The following TXLNB variants were observed in gnomAD, a reference collection of about 807,000 sequenced individuals.
TXLNB encodes the protein beta-taxilin.
In TXLNB, 37 loss-of-function variants were observed where a neutral mutation model predicts 57.4. The observed-to-expected ratio is 0.64, with a 90% CI of 0.50 to 0.85. TXLNB has a LOEUF of 0.85. Ranked by LOEUF, TXLNB falls within the 40% of genes least tolerant of loss-of-function variation. The pLI, the probability that TXLNB is intolerant of heterozygous loss-of-function variation, is 0.00. For missense variants in TXLNB, 848 were observed against 825.6 expected, an observed-to-expected ratio of 1.03 and a Z score of -0.33; for synonymous variants, 302 against 309.6, an observed-to-expected ratio of 0.98 and a Z score of 0.26.
the TXLNB span, among the ~76,000 whole-genome samples, chr6:139,310,538 CTA>C: frequency 3.3e-5 from 5 of 152,222 alleles, no homozygotes; most frequent in African/African-American, 9.7e-5. Context: ...GATAGCCACT[CTA>C]TCTCTCTGTC....
rs563366740 is a variant in TXLNB at position 139,290,256 on chromosome 6, G to A, written c.-14-1343C>T. On this transcript the variant is annotated intron_variant, in intron 1 of 9. Coordinates refer to ENST00000358430, the MANE Select transcript of TXLNB (RefSeq NM_153235.4). ...TTAGCCAGGTGTGGTGGCGGGCACC[G>A]GTAGTCCCAGCTACTTGGGAGGCTG... Among the ~76,000 whole-genome samples, 37 of 152,088 alleles carry A rather than the reference G, an allele frequency of 2.4e-4. 1 individual carries two copies. The East Asian group carries it at 6.8e-3, about 28-fold the overall frequency.
chr6:139,193,822 TTA>T, the TXLNB span, among the ~76,000 whole-genome samples: 241 of 92,620 alleles, frequency 2.6e-3, 6 homozygotes, highest in East Asian at 7.3e-3. Context: ...CCTGGCTAAT[TTA>T]TATATATATA....
intron 7 of TXLNB, among the ~76,000 whole-genome samples, chr6:139,255,135 A>G (rs757187891): frequency 2.0e-5 from 3 of 152,110 alleles, no homozygotes; most frequent in Non-Finnish European, 4.4e-5. Flanking sequence ...TTTTCTTTTT[A>G]TGATAAATAA....
At chr6:139,281,268 AT>A (rs1777040838) in intron 2 of TXLNB, among the ~76,000 whole-genome samples, 1 of 152,144 alleles carries the variant, frequency 6.6e-6, no homozygotes, top group South Asian at 2.1e-4. Flanking sequence ...TGGATGGCAT[AT>A]TTGTTATCTT....
the TXLNB span, among the ~76,000 whole-genome samples, chr6:139,310,994 C>T: frequency 6.6e-6 from 1 of 152,192 alleles, no homozygotes; most frequent in Admixed American, 6.5e-5. Context: ...CGTGCCCAGC[C>T]CATTCTGTTT....
chr6:139,263,708 A>G (rs1776544384), intron 4 of TXLNB, among the ~76,000 whole-genome samples: 1 of 152,072 alleles, frequency 6.6e-6, no homozygotes, highest in Admixed American at 6.5e-5. Context: ...AAAGGGTTTA[A>G]TTTTGCTACA....
At chr6:139,211,481 C>T in the TXLNB span, among the ~76,000 whole-genome samples, 1 of 152,066 alleles carries the variant, frequency 6.6e-6, no homozygotes, top group Admixed American at 6.5e-5. Flanking sequence ...CCCATCTGTA[C>T]GTCACCATCA....
chr6:139,310,274 C>G, the TXLNB span, among the ~76,000 whole-genome samples: 1 of 152,136 alleles, frequency 6.6e-6, no homozygotes, highest in African/African-American at 2.4e-5. Context: ...TCTTACAACT[C>G]AATAGCAGAA....
chr6:139,179,631 C>G, the TXLNB span: 3 of 152,164 alleles, frequency 2.0e-5, no homozygotes, highest in Admixed American at 1.3e-4. Context: ...GAGGGAAAAT[C>G]TGGCTGATTT....
the TXLNB span, among the ~76,000 whole-genome samples, chr6:139,305,564 A>G: frequency 6.6e-6 from 1 of 152,198 alleles, no homozygotes; most frequent in African/African-American, 2.4e-5. Context: ...AATCTTTTAC[A>G]ATGTTATCAG....
At chr6:139,230,601 G>A in the TXLNB span, among the ~76,000 whole-genome samples, 9 of 152,324 alleles carry the variant, frequency 5.9e-5, no homozygotes, top group African/African-American at 2.2e-4. Flanking sequence ...GCTGGTCTCT[G>A]TGAGGAATGG....
At chr6:139,226,034 C>G in the TXLNB span, among the ~76,000 whole-genome samples, 1 of 152,014 alleles carries the variant, frequency 6.6e-6, no homozygotes, top group Non-Finnish European at 1.5e-5. Flanking sequence ...TGCGGTGACT[C>G]ACACCTGTAA....
the TXLNB span, among the ~76,000 whole-genome samples, chr6:139,217,646 A>T: frequency 6.6e-6 from 1 of 152,082 alleles, no homozygotes; most frequent in Non-Finnish European, 1.5e-5. Context: ...AGGAGGGCAG[A>T]TCACGAGCTC....
chr6:139,294,658 A>G (rs927189222), upstream of TXLNB, among the ~76,000 whole-genome samples: 1 of 152,072 alleles, frequency 6.6e-6, no homozygotes, highest in Admixed American at 6.6e-5. Context: ...CTGCACCTTG[A>G]TCTTAGACTT....
At chr6:139,300,594 C>T in the TXLNB span, among the ~76,000 whole-genome samples, 5 of 152,122 alleles carry the variant, frequency 3.3e-5, no homozygotes, top group Non-Finnish European at 5.9e-5. Flanking sequence ...TATATGACTC[C>T]TTTGTCCTTA....
the TXLNB span, among the ~76,000 whole-genome samples, chr6:139,171,399 C>T: frequency 1.3e-5 from 2 of 152,104 alleles, no homozygotes; most frequent in African/African-American, 2.4e-5. Flanking sequence ...ATTAGATGTG[C>T]CCACAAAGAT....
At chr6:139,198,472 C>G in the TXLNB span, among the ~76,000 whole-genome samples, 1 of 152,044 alleles carries the variant, frequency 6.6e-6, no homozygotes, top group African/African-American at 2.4e-5. Context: ...CATCTCAGGC[C>G]GGGGTGCCTA....
At chr6:139,301,440 T>G in the TXLNB span, among the ~76,000 whole-genome samples, 1 of 152,256 alleles carries the variant, frequency 6.6e-6, no homozygotes, top group African/African-American at 2.4e-5. Flanking sequence ...CTCTGCAACC[T>G]CCATTGTCCC....
At chr6:139,323,449 A>AT in the TXLNB span, among the ~76,000 whole-genome samples, 1 of 148,660 alleles carries the variant, frequency 6.7e-6, no homozygotes, top group Non-Finnish European at 1.5e-5. Context: ...CGCCCAGCTA[A>AT]TTTTTTGTAT....
Sources: gnomAD v4.1 joint callset for allele counts (sites outside exome capture counted in the v4.1 genomes callset) on GRCh38, gnomAD v4.1.1 for gene constraint, MANE v1.5 for transcripts, NCBI Gene and HGNC (gene_info 2026-07-23, HGNC 2026-07-21) for gene names.